Variants in MARCHF4 observed in about 807,000 individuals in gnomAD.
MARCHF4 encodes the protein membrane associated ring-CH-type finger 4.
MARCHF4 carries 14 observed loss-of-function variants against 43.9 expected under a neutral mutation model. The observed-to-expected ratio is 0.32, with a 90% CI of 0.21 to 0.50. The LOEUF is 0.50. MARCHF4 is among the 20% of genes least tolerant of loss of function. The probability of loss-of-function intolerance (pLI) is 0.98; values close to 1 mark genes in which losing one functional copy is unlikely to be tolerated. For missense variants in MARCHF4, 468 were observed against 536.7 expected (o/e 0.87, Z 1.27); for synonymous variants, 226 against 213.3 (o/e 1.06, Z -0.52).
chr2:216,326,256 A>G (rs1462465799), intron 1 of MARCHF4, among the ~76,000 whole-genome samples: 3 of 152,082 alleles, frequency 2.0e-5, no homozygotes, highest in African/African-American at 4.8e-5. Flanking sequence ...CAAAACCACA[A>G]TGAGATACCA....
At chr2:216,358,037 G>A (rs1253321471) in intron 1 of MARCHF4, among the ~76,000 whole-genome samples, 1 of 152,162 alleles carries the variant, frequency 6.6e-6, no homozygotes, top group East Asian at 1.9e-4. Flanking sequence ...AAAACACCAA[G>A]CCCTAATGTT....
chr2:216,354,244 A>C (rs998677346), intron 1 of MARCHF4, among the ~76,000 whole-genome samples: 32 of 152,346 alleles, frequency 2.1e-4, no homozygotes, highest in Admixed American at 1.9e-3. Flanking sequence ...AGAGAGAGAC[A>C]GGATTAGGCT....
chr2:216,296,111 A>G (rs1691387920), intron 1 of MARCHF4, among the ~76,000 whole-genome samples: 1 of 152,212 alleles, frequency 6.6e-6, no homozygotes, highest in African/African-American at 2.4e-5. Flanking sequence ...GTGCCACTGC[A>G]CTCCAGCCTG....
rs956303133 is a variant in MARCHF4, at chr2:216,372,445, A to C, written c.-2185T>G. Among the ~76,000 whole-genome samples, 1 of 151,962 alleles carries C rather than the reference A, an allele frequency of 6.6e-6. No individual in the cohort carries two copies. ...GAGGGAAAGGGGATGAGAGGAAAAG[A>C]AGCTGGAGGGAGAGGGAGCAAGAGG... On this transcript the variant is annotated 5_prime_UTR_variant, in exon 1 of 4. Transcript: ENST00000273067.
intron 1 of MARCHF4, among the ~76,000 whole-genome samples, chr2:216,287,819 G>A (rs1025783726): frequency 6.6e-6 from 1 of 151,802 alleles, no homozygotes; most frequent in Non-Finnish European, 1.5e-5. Flanking sequence ...AAAAGAACAT[G>A]GTTTTGGGAA....
At chr2:216,300,968 C>T (rs1453731161) in intron 1 of MARCHF4, among the ~76,000 whole-genome samples, 1 of 152,122 alleles carries the variant, frequency 6.6e-6, no homozygotes, top group African/African-American at 2.4e-5. Flanking sequence ...AATGAGAAAC[C>T]CCCATTTCCT....
chr2:216,333,391 T>C (rs540273559), intron 1 of MARCHF4, among the ~76,000 whole-genome samples: 2 of 152,336 alleles, frequency 1.3e-5, no homozygotes, highest in South Asian at 2.1e-4. Flanking sequence ...TATGAAAAAG[T>C]GTTCAGTTTC....
At chr2:216,297,217 C>T (rs540156338) in intron 1 of MARCHF4, among the ~76,000 whole-genome samples, 4 of 152,274 alleles carry the variant, frequency 2.6e-5, no homozygotes, top group East Asian at 1.9e-4. Flanking sequence ...TTCTACATTC[C>T]TTACTTCTAG....
chr2:216,361,546 C>T (rs7579038), intron 1 of MARCHF4, among the ~76,000 whole-genome samples: 6,261 of 152,100 alleles, frequency 0.041, 401 homozygotes, highest in African/African-American at 0.14. Flanking sequence ...TCCTGCCAAG[C>T]AGAGAGTGCT....
At chr2:216,314,039 A>G (rs1691732655) in intron 1 of MARCHF4, among the ~76,000 whole-genome samples, 1 of 152,186 alleles carries the variant, frequency 6.6e-6, no homozygotes, top group Non-Finnish European at 1.5e-5. Flanking sequence ...GTGCCAGGTG[A>G]AAGGGGATTA....
At chr2:216,310,485 C>T (rs1488728864) in intron 1 of MARCHF4, among the ~76,000 whole-genome samples, 2 of 152,150 alleles carry the variant, frequency 1.3e-5, no homozygotes, top group Non-Finnish European at 2.9e-5. Flanking sequence ...TGGCCTTGAG[C>T]TCCTGGGCTC....
chr2:216,298,841 C>T (rs77076322), intron 1 of MARCHF4, among the ~76,000 whole-genome samples: 7,489 of 152,290 alleles, frequency 0.049, 600 homozygotes, highest in African/African-American at 0.17. Context: ...CATGATTTCA[C>T]AGGTCCTGTC....
At chr2:216,333,780 C>G (rs1692115874) in intron 1 of MARCHF4, among the ~76,000 whole-genome samples, 1 of 152,166 alleles carries the variant, frequency 6.6e-6, no homozygotes, top group Admixed American at 6.5e-5. Context: ...CTATATTTAG[C>G]AGCTCCTGGA....
At position 216,366,074 on chromosome 2, in the gene MARCHF4, A is replaced by C. The variant is rs1043060582; in HGVS notation, c.516+3671T>G. Among the ~76,000 whole-genome samples the C allele has an allele frequency of 2.2e-4, 33 of 152,264 alleles. 1 individual carries two copies. The highest frequency in any genetic ancestry group is 5.8e-4 in the African/African-American group (24 of 41,476). On this transcript the variant is annotated intron_variant, in intron 1 of 3. Transcript: ENST00000273067. The stretch of plus-strand genomic sequence containing the variant: ...CTTTTCTTTTAAACAAGGCAGGAAC[A>C]GCACTCTCTTGCATCTGAGATAGTA...
chr2:216,328,129 G>A (rs890283739), intron 1 of MARCHF4, among the ~76,000 whole-genome samples: 3 of 152,124 alleles, frequency 2.0e-5, no homozygotes, highest in African/African-American at 7.2e-5. Context: ...ATACCTGCAA[G>A]ACAGGAAAGG....
intron 1 of MARCHF4, among the ~76,000 whole-genome samples, chr2:216,299,391 C>T (rs562005839): frequency 6.6e-6 from 1 of 152,268 alleles, no homozygotes; most frequent in Admixed American, 6.5e-5. Context: ...AGATGGCAAA[C>T]TTTAGGGCAA....
chr2:216,369,524 A>G lies in MARCHF4; in HGVS notation c.516+221T>C, dbSNP rs116048213. On this transcript the variant is annotated intron_variant, in intron 1 of 3. Coordinates refer to ENST00000273067, the MANE Select transcript of MARCHF4 (RefSeq NM_020814.3). ...ATTGGAGACACTAGCATTGGAAGGAAAATGCAAAACCTAGAACACAAACGA... is the reference window on the plus strand; with the variant it reads ...ATTGGAGACACTAGCATTGGAAGGAGAATGCAAAACCTAGAACACAAACGA... 1.2e-3 allele frequency among the ~76,000 whole-genome samples: 184 copies of G among 152,326 alleles called. 1 individual carries two copies. The highest frequency in any genetic ancestry group is 4.2e-3 in the African/African-American group (175 of 41,572).
At chr2:216,347,605 G>C (rs1414814152) in intron 1 of MARCHF4, among the ~76,000 whole-genome samples, 1 of 152,028 alleles carries the variant, frequency 6.6e-6, no homozygotes. Context: ...GTGGGCGCCT[G>C]TAATCCCAGT....
rs181076873 is a variant in MARCHF4 at position 216,282,987 on chromosome 2, C to T, written c.672+587G>A. ...GATGCTCCAGACCTACCGAATACAA[C>T]ATCCCTGCTCCAGACCTATAGAATA... On this transcript the variant is annotated intron_variant, in intron 2 of 3. Coordinates refer to ENST00000273067, the MANE Select transcript of MARCHF4 (RefSeq NM_020814.3). Among the ~76,000 whole-genome samples, 449 of 152,144 alleles carry T rather than the reference C, an allele frequency of 3.0e-3. 3 individuals are homozygous for T. In the South Asian group the frequency reaches 0.034, roughly 11 times the overall value.
Sources: allele counts gnomAD v4.1 joint callset (sites outside exome capture counted in the v4.1 genomes callset), GRCh38; gene constraint gnomAD v4.1.1; transcripts MANE v1.5; gene names NCBI Gene and HGNC (gene_info 2026-07-23, HGNC 2026-07-21).